CADM2: variants seen among roughly 807,000 people sequenced by gnomAD.
CADM2 encodes the protein cell adhesion molecule 2, also known as immunoglobulin superfamily member 4D.
A neutral mutation model predicts 49.8 loss-of-function variants in CADM2; 12 were observed. That is an observed-to-expected ratio of 0.24 (90% CI 0.15 to 0.39). CADM2 has a LOEUF of 0.39. Ranked by LOEUF, CADM2 falls within the 10% of genes least tolerant of loss-of-function variation. The probability of loss-of-function intolerance (pLI) is 1.00; values close to 1 mark genes in which losing one functional copy is unlikely to be tolerated. For missense variants in CADM2, 378 were observed against 492.3 expected, an observed-to-expected ratio of 0.77 and a Z score of 2.20; for synonymous variants, 214 against 175.4, an observed-to-expected ratio of 1.22 and a Z score of -1.74.
intron 8 of CADM2, among the ~76,000 whole-genome samples, chr3:86,010,121 T>A (rs927298986): frequency 5.3e-5 from 8 of 151,968 alleles, no homozygotes; most frequent in Non-Finnish European, 1.5e-5. Context: ...GATGACAGTA[T>A]GAATTACAAA....
At chr3:86,054,098 A>T (rs1737641756) in intron 8 of CADM2, among the ~76,000 whole-genome samples, 2 of 152,030 alleles carry the variant, frequency 1.3e-5, no homozygotes. Flanking sequence ...AACATAACTT[A>T]GTACATGAAA....
intron 1 of CADM2, among the ~76,000 whole-genome samples, chr3:85,462,579 A>T (rs2107592596): frequency 6.6e-6 from 1 of 152,236 alleles, no homozygotes; most frequent in South Asian, 2.1e-4. Context: ...GGTTCGTTTT[A>T]TTCTAAATCA....
intron 1 of CADM2, among the ~76,000 whole-genome samples, chr3:85,709,935 G>C (rs2067067589): frequency 6.6e-6 from 1 of 152,134 alleles, no homozygotes; most frequent in Non-Finnish European, 1.5e-5. Flanking sequence ...GTAAATGGCT[G>C]CCTGCAGATG....
intron 7 of CADM2, among the ~76,000 whole-genome samples, chr3:85,944,797 T>C (rs1465872877): frequency 6.6e-6 from 1 of 152,156 alleles, no homozygotes; most frequent in South Asian, 2.1e-4. Flanking sequence ...GGGAAATTTA[T>C]AGCACTAAAG....
chr3:85,959,806 C>A (rs550122851), intron 7 of CADM2, among the ~76,000 whole-genome samples: 1 of 152,018 alleles, frequency 6.6e-6, no homozygotes, highest in East Asian at 2.0e-4. Flanking sequence ...TAGGCTATAG[C>A]ATATTACCTA....
Position 85,883,590 on chromosome 3 carries a change from G to A in CADM2, c.391+147G>A, listed in dbSNP as rs533391200. ...TTCTCTGCTACATTTTAACACAGGCGTTTTAAAATCATTTAGTCACTTTCA... is the reference window on the plus strand; with the variant it reads ...TTCTCTGCTACATTTTAACACAGGCATTTTAAAATCATTTAGTCACTTTCA... On this transcript the variant is annotated intron_variant, in intron 4 of 9. Coordinates refer to ENST00000383699, the MANE Select transcript of CADM2 (RefSeq NM_001167675.2). The A allele has an allele frequency of 2.5e-5, 17 of 669,552 alleles. No individual in the cohort carries two copies. In the South Asian group the frequency reaches 5.0e-4, roughly 20 times the overall value. The allele number at this position is 669,552 out of a possible 1,614,324, so 41.5% of individuals were successfully genotyped here.
At chr3:85,812,003 A>G (rs1466747406) in intron 3 of CADM2, among the ~76,000 whole-genome samples, 1 of 152,050 alleles carries the variant, frequency 6.6e-6, no homozygotes, top group Admixed American at 6.6e-5. Flanking sequence ...TCACAATTTC[A>G]GTTCAACTGT....
chr3:85,530,561 C>T (rs1289615837), intron 1 of CADM2, among the ~76,000 whole-genome samples: 1 of 151,950 alleles, frequency 6.6e-6, no homozygotes, highest in Non-Finnish European at 1.5e-5. Flanking sequence ...AATCTCCTGA[C>T]TTCATGATCC....
chr3:85,109,565 G>C (rs1484292045), intron 1 of CADM2, among the ~76,000 whole-genome samples: 2 of 151,854 alleles, frequency 1.3e-5, no homozygotes, highest in African/African-American at 4.8e-5. Context: ...TCCCAACTTG[G>C]GAATGCTACT....
At chr3:85,436,195 G>C (rs959393748) in intron 1 of CADM2, among the ~76,000 whole-genome samples, 1 of 152,100 alleles carries the variant, frequency 6.6e-6, no homozygotes, top group African/African-American at 2.4e-5. Flanking sequence ...TGGTGAATGG[G>C]AGTTCACTCA....
At chr3:85,417,055 A>G (rs1010489037) in intron 1 of CADM2, among the ~76,000 whole-genome samples, 1 of 152,134 alleles carries the variant, frequency 6.6e-6, no homozygotes, top group African/African-American at 2.4e-5. Flanking sequence ...ATATCCTAAC[A>G]TGTAGAAAAA....
chr3:85,528,332 TCA>T (rs898843223), intron 1 of CADM2, among the ~76,000 whole-genome samples: 8 of 42,264 alleles, frequency 1.9e-4, no homozygotes, highest in African/African-American at 3.1e-4. Flanking sequence ...TCACGCACAC[TCA>T]CATGCACACG....
intron 8 of CADM2, among the ~76,000 whole-genome samples, chr3:86,055,380 G>A (rs1480859760): frequency 6.8e-6 from 1 of 147,980 alleles, no homozygotes; most frequent in African/African-American, 2.5e-5. Context: ...TTGGTTCATA[G>A]ATAGTGTAGT....
chr3:85,905,430 A>T (rs1716672266), intron 5 of CADM2, among the ~76,000 whole-genome samples: 1 of 152,190 alleles, frequency 6.6e-6, no homozygotes, highest in African/African-American at 2.4e-5. Flanking sequence ...ATATATATTG[A>T]CATGGAACGA....
chr3:85,623,282 T>A (rs1168313574), intron 1 of CADM2, among the ~76,000 whole-genome samples: 1 of 152,232 alleles, frequency 6.6e-6, no homozygotes, highest in Non-Finnish European at 1.5e-5. Context: ...TGGCATTTGA[T>A]AATCACCTTG....
chr3:85,592,939 T>C (rs865829515), intron 1 of CADM2, among the ~76,000 whole-genome samples: 1 of 151,964 alleles, frequency 6.6e-6, no homozygotes, highest in African/African-American at 2.4e-5. Context: ...CCACTTATGA[T>C]TGAGAACATG....
chr3:85,555,767 G>C (rs963600798), intron 1 of CADM2, among the ~76,000 whole-genome samples: 1 of 151,942 alleles, frequency 6.6e-6, no homozygotes, highest in African/African-American at 2.4e-5. Flanking sequence ...TATAAGAAAG[G>C]CTTCACGCTT....
rs150517862 is a variant in CADM2 at position 85,242,196 on chromosome 3, A to G, written c.61+282528A>G. Among the ~76,000 whole-genome samples the G allele has an allele frequency of 4.7e-3, 708 of 151,544 alleles. 7 individuals carry two copies. Among genetic ancestry groups the G allele is most frequent in the African/African-American group, 0.017 (686 of 41,482 alleles). ...ACTTAGACTCTATGAGTATCTAGAT[A>G]AAAACACATTATGGAAAATCAATTC... is the stretch of plus-strand genomic sequence containing the variant. On this transcript the variant is annotated intron_variant, in intron 1 of 9. Coordinates refer to ENST00000383699, the MANE Select transcript of CADM2 (RefSeq NM_001167675.2).
intron 8 of CADM2, among the ~76,000 whole-genome samples, chr3:85,974,749 A>T (rs978318220): frequency 1.3e-5 from 2 of 151,704 alleles, no homozygotes; most frequent in African/African-American, 4.8e-5. Flanking sequence ...GTTCACTCAC[A>T]TGAATAACTT....
Sources: gnomAD v4.1 joint callset for allele counts (sites outside exome capture counted in the v4.1 genomes callset) on GRCh38, gnomAD v4.1.1 for gene constraint, MANE v1.5 for transcripts, NCBI Gene and HGNC (gene_info 2026-07-23, HGNC 2026-07-21) for gene names.